The following MDGA2 variants were observed in gnomAD, a reference collection of about 807,000 sequenced individuals.
The protein encoded by MDGA2 is MAM domain containing glycosylphosphatidylinositol anchor 2.
In MDGA2, 40 loss-of-function variants were observed where a neutral mutation model predicts 117.8. The observed-to-expected ratio is 0.34, with a 90% CI of 0.26 to 0.44. MDGA2 has a LOEUF of 0.44. MDGA2 is among the 20% of genes least tolerant of loss of function. The probability of loss-of-function intolerance (pLI) is 1.00; values close to 1 mark genes in which losing one functional copy is unlikely to be tolerated. For missense variants in MDGA2, 1,123 were observed against 1,250.6 expected (o/e 0.90, Z 1.54); for synonymous variants, 452 against 439.0 (o/e 1.03, Z -0.37).
intron 6 of MDGA2, among the ~76,000 whole-genome samples, chr14:47,079,141 T>C (rs2138878876): frequency 6.6e-6 from 1 of 152,254 alleles, no homozygotes; most frequent in East Asian, 1.9e-4. Flanking sequence ...GACATAAAAA[T>C]TCCTTAATAA....
At chr14:47,139,262 T>C (rs936659109) in intron 4 of MDGA2, among the ~76,000 whole-genome samples, 3 of 152,096 alleles carry the variant, frequency 2.0e-5, no homozygotes, top group Non-Finnish European at 2.9e-5. Flanking sequence ...TCTCCACACA[T>C]ACTAATTATT....
In MDGA2 at chr14:46,841,247, T is replaced by C. The variant is rs1381928107; in HGVS notation, c.*684A>G. The C allele has an allele frequency of 6.6e-6, 1 of 152,504 alleles. No homozygotes were observed. The highest frequency in any genetic ancestry group is 1.9e-4 in the East Asian group (1 of 5,182). 9.4% of individuals were successfully genotyped at this position (152,504 alleles called of 1,614,324 possible). A position where few individuals can be genotyped will look rare whatever the true frequency, so the allele number is the denominator to read the frequency against. On this transcript the variant is annotated 3_prime_UTR_variant, in exon 17 of 17. Transcript: ENST00000399232. The stretch of plus-strand genomic sequence containing the variant: ...GTAACATGTAAGCCCAGGTTTACCA[T>C]CCTGGATAGTAGTGCATGCAAAAAG...
intron 10 of MDGA2, among the ~76,000 whole-genome samples, chr14:46,893,614 A>G (rs948828711): frequency 6.6e-6 from 1 of 152,088 alleles, no homozygotes; most frequent in Non-Finnish European, 1.5e-5. Flanking sequence ...TTATATCAAA[A>G]CATCATGTTG....
At chr14:47,163,954 C>T (rs1237532177) in intron 3 of MDGA2, among the ~76,000 whole-genome samples, 2 of 152,168 alleles carry the variant, frequency 1.3e-5, no homozygotes, top group Non-Finnish European at 2.9e-5. Context: ...CTCACTGGCT[C>T]GTGGAGGGAT....
chr14:47,514,138 C>G (rs1056127231), intron 1 of MDGA2, among the ~76,000 whole-genome samples: 1 of 152,002 alleles, frequency 6.6e-6, no homozygotes, highest in Admixed American at 6.6e-5. Context: ...GTTTTCAATT[C>G]GTTTGTTTTG....
chr14:47,650,219 T>C (rs1897613638), intron 1 of MDGA2, among the ~76,000 whole-genome samples: 1 of 152,168 alleles, frequency 6.6e-6, no homozygotes, highest in African/African-American at 2.4e-5. Context: ...TTTTTGGGCC[T>C]GAAGCATGCC....
chr14:47,581,166 C>G (rs576356062), intron 1 of MDGA2, among the ~76,000 whole-genome samples: 27 of 152,074 alleles, frequency 1.8e-4, no homozygotes, highest in African/African-American at 6.0e-4. Flanking sequence ...AATTCTCTCT[C>G]CAACCTCTCC....
intron 10 of MDGA2, among the ~76,000 whole-genome samples, chr14:46,903,845 T>C (rs1365713159): frequency 1.3e-5 from 2 of 152,148 alleles, no homozygotes; most frequent in Non-Finnish European, 2.9e-5. Context: ...CAAGCAACAG[T>C]TTTTTCAAGT....
chr14:47,647,430 G>GA (rs1897555353), intron 1 of MDGA2, among the ~76,000 whole-genome samples: 1 of 146,912 alleles, frequency 6.8e-6, no homozygotes, highest in African/African-American at 2.7e-5. Context: ...CTTTAAAAAG[G>GA]CAAAAAAAAA....
intron 3 of MDGA2, among the ~76,000 whole-genome samples, chr14:47,202,751 C>T (rs534780654): frequency 6.6e-6 from 1 of 152,284 alleles, no homozygotes; most frequent in African/African-American, 2.4e-5. Context: ...ATACAAGTGA[C>T]AGTGTAAATC....
chr14:47,613,162 A>G (rs1488423356), intron 1 of MDGA2, among the ~76,000 whole-genome samples: 1 of 152,110 alleles, frequency 6.6e-6, no homozygotes, highest in East Asian at 1.9e-4. Context: ...TCCTGTAGAG[A>G]TAATTGAGGA....
rs199879571 is a variant in MDGA2, at chr14:47,096,232, G to A, written c.1195+622C>T. Among the ~76,000 whole-genome samples the A allele has an allele frequency of 2.6e-5, 4 of 151,840 alleles. 1 individual carries two copies. Among genetic ancestry groups the A allele is most frequent in the South Asian group, 4.1e-4 (2 of 4,822 alleles). ...ATTTCAATCTGTCAAAACACTACTC[G>A]ACCTATAAGACCTAGTATGAATGTT... On this transcript the variant is annotated intron_variant, in intron 6 of 16. Coordinates refer to ENST00000399232, the MANE Select transcript of MDGA2 (RefSeq NM_001113498.3).
At chr14:47,611,991 G>T (rs1896856460) in intron 1 of MDGA2, among the ~76,000 whole-genome samples, 1 of 152,076 alleles carries the variant, frequency 6.6e-6, no homozygotes, top group Admixed American at 6.6e-5. Flanking sequence ...GTTTAGCAAG[G>T]CAGAGATACC....
At chr14:47,490,279 C>T (rs930476598) in intron 1 of MDGA2, among the ~76,000 whole-genome samples, 2 of 152,096 alleles carry the variant, frequency 1.3e-5, no homozygotes, top group Non-Finnish European at 2.9e-5. Flanking sequence ...AAAAGTTGAA[C>T]TCTACTGACT....
intron 6 of MDGA2, among the ~76,000 whole-genome samples, chr14:47,083,266 C>T (rs1890773806): frequency 6.6e-6 from 1 of 151,946 alleles, no homozygotes; most frequent in East Asian, 1.9e-4. Context: ...AAAAAATCCA[C>T]ATCTAAGCAC....
chr14:47,538,928 C>A (rs1446807909), intron 1 of MDGA2, among the ~76,000 whole-genome samples: 1 of 152,142 alleles, frequency 6.6e-6, no homozygotes, highest in African/African-American at 2.4e-5. Context: ...TAAGAAGGAA[C>A]AACTTGGGTA....
intron 1 of MDGA2, among the ~76,000 whole-genome samples, chr14:47,662,903 A>G (rs1016993319): frequency 1.3e-5 from 2 of 152,216 alleles, no homozygotes; most frequent in Non-Finnish European, 2.9e-5. Flanking sequence ...TCTATGCACA[A>G]CAAAGGAAGA....
intron 1 of MDGA2, among the ~76,000 whole-genome samples, chr14:47,429,187 T>C (rs1892750053): frequency 6.6e-6 from 1 of 151,774 alleles, no homozygotes; most frequent in Admixed American, 6.6e-5. Context: ...ATTGCGCCAC[T>C]GCACTCCAAC....
Position 47,509,886 on chromosome 14 carries a change from T to C in MDGA2, c.280+164631A>G, listed in dbSNP as rs141857767. On this transcript the variant is annotated intron_variant, in intron 1 of 16. Coordinates refer to ENST00000399232, the MANE Select transcript of MDGA2 (RefSeq NM_001113498.3). ...TGAATCGTACCTTGAGTTACATCCA[T>C]GTCTGATCAAATGATGTTTAGATTA... Among the ~76,000 whole-genome samples, 540 of 152,338 alleles carry C rather than the reference T, an allele frequency of 3.5e-3. 1 individual carries two copies. Among genetic ancestry groups the C allele is most frequent in the Non-Finnish European group, 5.7e-3 (390 of 68,022 alleles).
Sources: gnomAD v4.1 joint callset for allele counts (sites outside exome capture counted in the v4.1 genomes callset) on GRCh38, gnomAD v4.1.1 for gene constraint, MANE v1.5 for transcripts, NCBI Gene and HGNC (gene_info 2026-07-23, HGNC 2026-07-21) for gene names.